The following TENM2 variants were observed in gnomAD, a reference collection of about 807,000 sequenced individuals.
TENM2 encodes teneurin transmembrane protein 2, also known as teneurin-2.
A neutral mutation model predicts 245.2 loss-of-function variants in TENM2; 52 were observed. The observed-to-expected ratio is 0.21, with a 90% CI of 0.17 to 0.27. TENM2 has a LOEUF of 0.27. TENM2 is among the 10% of genes least tolerant of loss of function. The pLI, the probability that TENM2 is intolerant of heterozygous loss-of-function variation, is 1.00. For synonymous variants in TENM2, 1,363 were observed against 1,438.9 expected, an observed-to-expected ratio of 0.95 and a Z score of 1.19; for missense variants, 3,046 against 3,666.8, an observed-to-expected ratio of 0.83 and a Z score of 4.37.
chr5:167,254,738 T>C, the TENM2 span, among the ~76,000 whole-genome samples: 1 of 152,064 alleles, frequency 6.6e-6, no homozygotes. Context: ...TGAATTTAGA[T>C]AAGGAGATCA....
rs566778495 is a variant in TENM2, at chr5:168,208,915, C to T, written c.3825-2819C>T. On this transcript the variant is annotated intron_variant, in intron 19 of 28. Transcript: ENST00000518659. ...CAAAAAATTGCAAAGTTTAGAAAAG[C>T]CAATTCTATCACAAACATCACAAAA... Among the ~76,000 whole-genome samples, 213 of 152,198 alleles carry T rather than the reference C, an allele frequency of 1.4e-3. 1 individual carries two copies. The highest frequency in any genetic ancestry group is 4.7e-3 in the African/African-American group (196 of 41,528).
At position 167,537,250 on chromosome 5, in the gene TENM2, C is replaced by CAAAAAAA. The variant is rs386405596; in HGVS notation, c.502+161789_502+161795dup. Reference sequence around the variant, plus strand: ...AATATAGTGAGACCCCCATCTCTACCAAAAAAAAAAAAAAAAAAGCCAGTT... The same window carrying CAAAAAAA: ...AATATAGTGAGACCCCCATCTCTACCAAAAAAAAAAAAAAAAAAAAAAAAAGCCAGTT... On this transcript the variant is annotated intron_variant, in intron 2 of 28. Transcript: ENST00000518659. Among the ~76,000 whole-genome samples, 7 of 108,696 alleles carry CAAAAAAA rather than the reference C, an allele frequency of 6.4e-5. 1 individual carries two copies. The highest frequency in any genetic ancestry group is 6.0e-3 in the Middle Eastern group (1 of 166). The allele number at this position is 108,696 out of a possible 152,430, so 71.3% of individuals were successfully genotyped here.
At chr5:167,998,984 G>A (rs191066436) in intron 5 of TENM2, among the ~76,000 whole-genome samples, 37 of 152,270 alleles carry the variant, frequency 2.4e-4, no homozygotes, top group South Asian at 4.1e-4. Flanking sequence ...TGAATCTTGC[G>A]TTCTCTGCTG....
At chr5:168,246,831 C>T (rs374010431) in exon 27 of TENM2, 654 of 1,613,872 alleles carry the variant, frequency 4.1e-4, no homozygotes, top group Non-Finnish European at 5.0e-4. Context: ...TCCTTGCCGT[C>T]ACCATGCCCA....
chr5:167,600,522 T>G (rs1235074315), intron 2 of TENM2, among the ~76,000 whole-genome samples: 2 of 152,148 alleles, frequency 1.3e-5, no homozygotes, highest in African/African-American at 4.8e-5. Flanking sequence ...GTCTGCAGAT[T>G]TTACCTTATT....
intron 3 of TENM2, among the ~76,000 whole-genome samples, chr5:167,914,850 G>A (rs1161097559): frequency 6.6e-6 from 1 of 152,076 alleles, no homozygotes; most frequent in Non-Finnish European, 1.5e-5. Context: ...GTGTCTCTCT[G>A]CATCTTTACG....
chr5:167,752,917 T>A (rs141143247), intron 2 of TENM2, among the ~76,000 whole-genome samples: 2 of 152,322 alleles, frequency 1.3e-5, no homozygotes, highest in African/African-American at 4.8e-5. Context: ...AATGTGTCCT[T>A]CATACTGATG....
At chr5:167,158,285 C>G in the TENM2 span, among the ~76,000 whole-genome samples, 1 of 152,180 alleles carries the variant, frequency 6.6e-6, no homozygotes, top group Non-Finnish European at 1.5e-5. Context: ...GATCAAGAAA[C>G]AGGACTTGGC....
intron 1 of TENM2, among the ~76,000 whole-genome samples, chr5:167,352,590 G>A (rs1312983538): frequency 3.9e-5 from 6 of 152,184 alleles, no homozygotes; most frequent in Non-Finnish European, 1.5e-5. Flanking sequence ...GGGCTTACAG[G>A]ATTTTAGGCT....
intron 4 of TENM2, among the ~76,000 whole-genome samples, chr5:167,991,532 A>G (rs1397212714): frequency 6.6e-6 from 1 of 152,212 alleles, no homozygotes; most frequent in Non-Finnish European, 1.5e-5. Context: ...CATGTATAAG[A>G]AAGAATCATC....
chr5:168,095,469 G>T (rs761592358), intron 8 of TENM2, among the ~76,000 whole-genome samples: 2 of 152,180 alleles, frequency 1.3e-5, no homozygotes, highest in South Asian at 4.1e-4. Flanking sequence ...CCTGCATAGA[G>T]TAGAGAGGCC....
chr5:167,135,547 T>A, the TENM2 span, among the ~76,000 whole-genome samples: 1 of 151,814 alleles, frequency 6.6e-6, no homozygotes, highest in African/African-American at 2.4e-5. Flanking sequence ...GAGGCTGAGG[T>A]GGGCAGATGA....
chr5:168,051,446 C>G (rs1417218192), intron 6 of TENM2, among the ~76,000 whole-genome samples: 1 of 152,108 alleles, frequency 6.6e-6, no homozygotes, highest in Non-Finnish European at 1.5e-5. Flanking sequence ...TATTCACCAT[C>G]TGACCCTTTA....
At chr5:167,785,292 G>A (rs932048985) in intron 2 of TENM2, among the ~76,000 whole-genome samples, 1 of 152,178 alleles carries the variant, frequency 6.6e-6, no homozygotes, top group Non-Finnish European at 1.5e-5. Flanking sequence ...CAGTGCCACA[G>A]GAAGATGAAT....
chr5:167,029,983 G>T, the TENM2 span, among the ~76,000 whole-genome samples: 1 of 152,120 alleles, frequency 6.6e-6, no homozygotes, highest in African/African-American at 2.4e-5. Flanking sequence ...ATTTCAAATA[G>T]CCACATGAGT....
At chr5:167,692,578 A>G (rs1757501681) in intron 2 of TENM2, among the ~76,000 whole-genome samples, 1 of 152,234 alleles carries the variant, frequency 6.6e-6, no homozygotes, top group Non-Finnish European at 1.5e-5. Context: ...GTTACAGACT[A>G]TAAATTAAAT....
the TENM2 span, among the ~76,000 whole-genome samples, chr5:167,031,442 G>A: frequency 6.6e-6 from 1 of 152,182 alleles, no homozygotes; most frequent in African/African-American, 2.4e-5. Context: ...TGAGTCAGTA[G>A]TTGGTTCTGA....
At chr5:168,070,532 G>T (rs932354232) in intron 7 of TENM2, among the ~76,000 whole-genome samples, 1 of 151,658 alleles carries the variant, frequency 6.6e-6, no homozygotes, top group Non-Finnish European at 1.5e-5. Flanking sequence ...CTATAATCCT[G>T]GCACTTGGGA....
chr5:168,156,388 A>C (rs1357345441), intron 12 of TENM2, among the ~76,000 whole-genome samples: 2 of 151,448 alleles, frequency 1.3e-5, no homozygotes, highest in African/African-American at 4.9e-5. Flanking sequence ...ATTTCCATGC[A>C]GCCTGTTTTA....
Sources: allele counts gnomAD v4.1 joint callset (sites outside exome capture counted in the v4.1 genomes callset), GRCh38; gene constraint gnomAD v4.1.1; transcripts MANE v1.5; gene names NCBI Gene and HGNC (gene_info 2026-07-23, HGNC 2026-07-21).